The following DPP10 variants were observed in gnomAD, a reference collection of about 807,000 sequenced individuals.
DPP10 encodes dipeptidyl peptidase like 10.
A neutral mutation model predicts 120.9 loss-of-function variants in DPP10; 33 were observed. The observed-to-expected ratio is 0.27, with a 90% confidence interval of 0.21 to 0.37. The LOEUF (loss-of-function observed/expected upper bound fraction) is 0.37, where lower values mean the gene tolerates loss of function less well. Ranked by LOEUF, DPP10 falls within the 10% of genes least tolerant of loss-of-function variation. The pLI, the probability that DPP10 is intolerant of heterozygous loss-of-function variation, is 1.00. For missense variants in DPP10, 816 were observed against 942.8 expected, an observed-to-expected ratio of 0.87 and a Z score of 1.76; for synonymous variants, 337 against 326.1, an observed-to-expected ratio of 1.03 and a Z score of -0.36.
chr2:114,631,413 T>C (rs1178019208), intron 1 of DPP10, among the ~76,000 whole-genome samples: 3 of 151,520 alleles, frequency 2.0e-5, no homozygotes, highest in African/African-American at 7.3e-5. Flanking sequence ...GAGGGAGGAG[T>C]TAACAGGAGA....
At chr2:115,406,103 C>T (rs1301065374) in intron 3 of DPP10, among the ~76,000 whole-genome samples, 1 of 152,248 alleles carries the variant, frequency 6.6e-6, no homozygotes, top group Admixed American at 6.5e-5. Context: ...TCCCTTCTTT[C>T]TAGCAGTTCA....
At chr2:115,736,029 T>G (rs369102977) in intron 8 of DPP10, among the ~76,000 whole-genome samples, 41 of 152,176 alleles carry the variant, frequency 2.7e-4, no homozygotes, top group East Asian at 2.5e-3. Context: ...TGTCTTTTTT[T>G]GGGGGAGTTG....
At chr2:115,420,635 C>T (rs779781879) in intron 3 of DPP10, among the ~76,000 whole-genome samples, 22 of 152,246 alleles carry the variant, frequency 1.4e-4, no homozygotes, top group South Asian at 4.1e-4. Flanking sequence ...CCAGCAGCTT[C>T]TGAAAACAAA....
intron 5 of DPP10, among the ~76,000 whole-genome samples, chr2:115,538,478 G>A (rs753124236): frequency 3.9e-5 from 6 of 151,906 alleles, no homozygotes; most frequent in South Asian, 2.1e-4. Context: ...AATGAGCAAG[G>A]TAGAATAGAG....
intron 1 of DPP10, among the ~76,000 whole-genome samples, chr2:114,483,695 G>A (rs573188293): frequency 6.6e-6 from 1 of 152,256 alleles, no homozygotes; most frequent in South Asian, 2.1e-4. Flanking sequence ...TAGAAGCCAG[G>A]ATGGCTGCCT....
At chr2:114,686,689 A>T (rs1443872752) in intron 1 of DPP10, among the ~76,000 whole-genome samples, 1 of 151,954 alleles carries the variant, frequency 6.6e-6, no homozygotes, top group Admixed American at 6.6e-5. Flanking sequence ...AGCATTAATT[A>T]TCTCATTTTG....
At chr2:114,709,389 T>C (rs193101933) in intron 1 of DPP10, among the ~76,000 whole-genome samples, 175 of 152,304 alleles carry the variant, frequency 1.1e-3, no homozygotes, top group African/African-American at 4.0e-3. Context: ...CCTGACTCAT[T>C]TTTGGCTTGT....
At chr2:115,094,067 G>A (rs1709511875) in intron 1 of DPP10, among the ~76,000 whole-genome samples, 2 of 152,046 alleles carry the variant, frequency 1.3e-5, no homozygotes, top group South Asian at 2.1e-4. Context: ...CTGGTTTTCA[G>A]GGGCATCTAG....
At chr2:114,734,553 T>A (rs1048980702) in intron 1 of DPP10, among the ~76,000 whole-genome samples, 1 of 152,124 alleles carries the variant, frequency 6.6e-6, no homozygotes, top group Non-Finnish European at 1.5e-5. Context: ...CCCTGAAATA[T>A]ATAAAACCAA....
chr2:115,341,729 A>G (rs2063456592), intron 2 of DPP10, among the ~76,000 whole-genome samples: 1 of 151,976 alleles, frequency 6.6e-6, no homozygotes. Context: ...GGCTTCTTTC[A>G]CTTCATAATA....
At chr2:114,550,047 A>C (rs1049953301) in intron 1 of DPP10, among the ~76,000 whole-genome samples, 2 of 152,124 alleles carry the variant, frequency 1.3e-5, no homozygotes, top group Admixed American at 1.3e-4. Flanking sequence ...CTAATATTCC[A>C]GTCTTAGTAT....
At chr2:115,071,461 C>T (rs1016961692) in intron 1 of DPP10, among the ~76,000 whole-genome samples, 5 of 152,098 alleles carry the variant, frequency 3.3e-5, no homozygotes, top group African/African-American at 7.2e-5. Flanking sequence ...TCAAATCTAT[C>T]CCTCTCACCC....
intron 1 of DPP10, among the ~76,000 whole-genome samples, chr2:114,972,166 C>T (rs1699443472): frequency 6.6e-6 from 1 of 152,194 alleles, no homozygotes. Flanking sequence ...GGGTCAGCAG[C>T]TGTGAACTTG....
chr2:115,347,802 G>A (rs2063783674), intron 3 of DPP10, among the ~76,000 whole-genome samples: 1 of 152,128 alleles, frequency 6.6e-6, no homozygotes, highest in African/African-American at 2.4e-5. Flanking sequence ...TCCCTGCAAA[G>A]GACATGAACT....
At chr2:114,800,354 A>G (rs1303678525) in intron 1 of DPP10, among the ~76,000 whole-genome samples, 1 of 152,238 alleles carries the variant, frequency 6.6e-6, no homozygotes, top group Non-Finnish European at 1.5e-5. Flanking sequence ...TACTTTTTAT[A>G]CATTCCAGAT....
intron 3 of DPP10, among the ~76,000 whole-genome samples, chr2:115,358,957 C>G (rs796080152): frequency 4.4e-4 from 67 of 152,276 alleles, no homozygotes; most frequent in African/African-American, 1.6e-3. Context: ...TTACCTCCCA[C>G]CGGATCCCTC....
intron 1 of DPP10, among the ~76,000 whole-genome samples, chr2:114,960,724 A>C (rs1293961840): frequency 6.6e-6 from 1 of 152,062 alleles, no homozygotes. Flanking sequence ...TTAAGAAAAT[A>C]CTCTATGCTA....
chr2:114,719,540 A>G (rs1256087163), intron 1 of DPP10, among the ~76,000 whole-genome samples: 3 of 152,304 alleles, frequency 2.0e-5, no homozygotes, highest in East Asian at 1.9e-4. Flanking sequence ...CAGCTGATCC[A>G]TAAGTGGGCC....
Position 115,556,714 on chromosome 2 carries a change from T to A in DPP10, c.441+30742T>A, listed in dbSNP as rs2080240440. Among the ~76,000 whole-genome samples the A allele has an allele frequency of 2.0e-5, 3 of 152,160 alleles. No homozygotes were observed. In the South Asian group the frequency reaches 6.2e-4, roughly 32 times the overall value. ...TTCTATAAGGACATTCTGGTGAAAT[T>A]AGTGTGTCCAATAATTTAAACTAAA... is the stretch of plus-strand genomic sequence containing the variant. On this transcript the variant is annotated intron_variant, in intron 5 of 25. Coordinates refer to ENST00000410059, the MANE Select transcript of DPP10 (RefSeq NM_020868.6).
Sources: allele counts gnomAD v4.1 joint callset (sites outside exome capture counted in the v4.1 genomes callset), GRCh38; gene constraint gnomAD v4.1.1; transcripts MANE v1.5; gene names NCBI Gene and HGNC (gene_info 2026-07-23, HGNC 2026-07-21).